KIF1B: variants seen among roughly 807,000 people sequenced by gnomAD.
KIF1B encodes kinesin family member 1B.
In KIF1B, 76 loss-of-function variants were observed where a neutral mutation model predicts 241.9. That is an observed-to-expected ratio of 0.31 (90% CI 0.26 to 0.38). The LOEUF (loss-of-function observed/expected upper bound fraction) is 0.38. Ranked by LOEUF, KIF1B falls within the 10% of genes least tolerant of loss-of-function variation. The pLI, the probability that KIF1B is intolerant of heterozygous loss-of-function variation, is 1.00. For synonymous variants in KIF1B, 750 were observed against 796.7 expected, an observed-to-expected ratio of 0.94 and a Z score of 0.99; for missense variants, 1,622 against 2,271.4, an observed-to-expected ratio of 0.71 and a Z score of 5.81.
At chr1:10,216,154 C>A (rs1646764847) in intron 1 of KIF1B, among the ~76,000 whole-genome samples, 1 of 152,126 alleles carries the variant, frequency 6.6e-6, no homozygotes, top group South Asian at 2.1e-4. Flanking sequence ...AGTAAGTAAC[C>A]ACTATGCTGA....
intron 17 of KIF1B, among the ~76,000 whole-genome samples, chr1:10,292,988 G>C (rs548518423): frequency 1.1e-4 from 17 of 152,162 alleles, no homozygotes; most frequent in Admixed American, 7.2e-4. Context: ...GATACAAGGG[G>C]TGGTGAGTTT....
In KIF1B at chr1:10,303,843, T is replaced by A. The variant is rs1431700140; in HGVS notation, c.2115+6597T>A. On this transcript the variant is annotated intron_variant, in intron 22 of 48. Transcript: ENST00000676179. This position sits in a 1 kb window ranked among gnomAD's most constrained non-coding sequence, Gnocchi z 5.2. ...TTGGTGCTGGTGTTAGTAGCACCTC[T>A]GAGAATAATGTAAGTAAAGGAGACA... 3 of 1,613,166 alleles carry A rather than the reference T, an allele frequency of 1.9e-6. No homozygotes were observed. The East Asian group carries it at 6.7e-5, about 36-fold the overall frequency.
chr1:10,372,660 AGAGCTGT>A (rs1334525574), intron 45 of KIF1B, among the ~76,000 whole-genome samples: 5 of 117,558 alleles, frequency 4.3e-5, no homozygotes, highest in Non-Finnish European at 8.6e-5. Context: ...CTTGGGTGAC[AGAGCTGT>A]CACCCAAGCT....
intron 2 of KIF1B, among the ~76,000 whole-genome samples, chr1:10,252,703 A>G (rs1362004196): frequency 6.7e-6 from 1 of 149,638 alleles, no homozygotes; most frequent in African/African-American, 2.5e-5. Flanking sequence ...TGAGTCACCG[A>G]GCCAGGTCAT....
intron 32 of KIF1B, 45 bp from the exon 33 acceptor site, chr1:10,342,005 A>T: frequency 7.7e-7 from 1 of 1,296,644 alleles, no homozygotes; most frequent in Non-Finnish European, 1.1e-6. Flanking sequence ...TGAAGCAAAA[A>T]TGTGTATTTT....
intron 40 of KIF1B, among the ~76,000 whole-genome samples, chr1:10,362,280 G>T (rs1326240641): frequency 1.3e-5 from 2 of 151,982 alleles, no homozygotes; most frequent in African/African-American, 4.8e-5. Context: ...AGGAGTTTGA[G>T]ACCAGCCTGG....
At chr1:10,350,566 T>A (rs1261910878) in intron 37 of KIF1B, among the ~76,000 whole-genome samples, 1 of 151,994 alleles carries the variant, frequency 6.6e-6, no homozygotes, top group Non-Finnish European at 1.5e-5. Flanking sequence ...CTCAAAAAAA[T>A]ATATAAATAA....
chr1:10,371,209 C>G lies in KIF1B; in HGVS notation c.4893C>G (p.Pro1631=), dbSNP rs143966948. The G allele has an allele frequency of 6.2e-7, 1 of 1,614,086 alleles. No homozygotes were observed. The highest frequency in any genetic ancestry group is 2.2e-5 in the East Asian group (1 of 44,886). The change falls in exon 45 of 49, where the codon CCC becomes CCG. Residue 1631 remains proline, a synonymous_variant. Coordinates refer to ENST00000676179, the MANE Select transcript of KIF1B (RefSeq NM_001365951.3). ...ESSFSSATLT[P]SSTCPSLVDS... Reference sequence around the variant, plus strand: ...GTTTCAGCAGTGCCACCCTCACTCCCTCCTCCACCTGTCCCTCTCTGGTAG... The same window carrying G: ...GTTTCAGCAGTGCCACCCTCACTCCGTCCTCCACCTGTCCCTCTCTGGTAG...
chr1:10,345,285 C>T (rs1652549197), intron 34 of KIF1B, among the ~76,000 whole-genome samples: 1 of 152,226 alleles, frequency 6.6e-6, no homozygotes, highest in African/African-American at 2.4e-5. Context: ...TTGGTATCAC[C>T]TGGGAAACTT....
At chr1:10,258,466 A>G in intron 3 of KIF1B, 27 bp from the exon 4 acceptor site, 1 of 1,599,502 alleles carries the variant, frequency 6.3e-7, no homozygotes, top group Non-Finnish European at 8.6e-7. Flanking sequence ...ATAAAAGGTT[A>G]TTTATTTCTC....
intron 2 of KIF1B, among the ~76,000 whole-genome samples, chr1:10,244,545 C>A (rs917695938): frequency 1.1e-4 from 16 of 151,532 alleles, no homozygotes; most frequent in African/African-American, 3.9e-4. Context: ...CTTCTGACCT[C>A]AGGTGATCCG....
intron 22 of KIF1B, chr1:10,306,889 AC>A (rs1253791920): frequency 9.6e-7 from 1 of 1,045,748 alleles, no homozygotes; most frequent in African/African-American, 1.7e-5. Flanking sequence ...TTTCATTCTT[AC>A]AGTGGTCTTT....
At chr1:10,340,966 A>C (rs1182692037) in intron 32 of KIF1B, among the ~76,000 whole-genome samples, 1 of 152,154 alleles carries the variant, frequency 6.6e-6, no homozygotes, top group Non-Finnish European at 1.5e-5. Context: ...AACTTCAAAG[A>C]TGGAACAAGC....
Position 10,282,393 on chromosome 1 carries a change from T to C in KIF1B, c.1294T>C (p.Ser432Pro). 1.2e-6 allele frequency: 2 copies of C among 1,614,224 alleles called. No individual in the cohort carries two copies. The highest frequency in any genetic ancestry group is 4.5e-5 in the East Asian group (2 of 44,890). Residue 432 changes from serine (S) to proline (P), a missense_variant, in exon 15 of 49, where the codon TCC becomes CCC. Coordinates refer to ENST00000676179, the MANE Select transcript of KIF1B (RefSeq NM_001365951.3). ...ASENQRPGHFSTASMGSLTSS... is the reference protein window; with the variant it reads ...ASENQRPGHFPTASMGSLTSS... The stretch of plus-strand genomic sequence containing the variant: ...TGAGAATCAACGCCCTGGCCATTTT[T>C]CCACAGCATCCATGGGGTCCCTCAC...
At chr1:10,224,473 C>T (rs1408582744) in intron 1 of KIF1B, among the ~76,000 whole-genome samples, 1 of 152,016 alleles carries the variant, frequency 6.6e-6, no homozygotes, top group Non-Finnish European at 1.5e-5. Flanking sequence ...AACTGGAGTG[C>T]AGTGATGGAA....
intron 34 of KIF1B, 145 bp downstream of exon 34, chr1:10,343,432 T>C: frequency 2.4e-6 from 2 of 831,632 alleles, no homozygotes; most frequent in Non-Finnish European, 4.0e-6. Flanking sequence ...ATGTATCTAG[T>C]AGGAACTAGA....
intron 22 of KIF1B, among the ~76,000 whole-genome samples, chr1:10,299,297 A>C (rs1650426241): frequency 6.6e-6 from 1 of 152,124 alleles, no homozygotes; most frequent in Admixed American, 6.5e-5. Context: ...AGATAATCAG[A>C]TTCTGGTTGT....
At chr1:10,279,894 G>T (rs1649320906) in intron 14 of KIF1B, among the ~76,000 whole-genome samples, 1 of 151,602 alleles carries the variant, frequency 6.6e-6, no homozygotes, top group Non-Finnish European at 1.5e-5. Flanking sequence ...AGAGGTGAGG[G>T]GTCTCGCTGT....
In KIF1B at chr1:10,368,462, T is replaced by C; in HGVS notation, c.4753-5T>C. 6.2e-7 allele frequency: 1 copy of C among 1,612,816 alleles called. No homozygotes were observed. Among genetic ancestry groups the C allele is most frequent in the Non-Finnish European group, 8.5e-7 (1 of 1,178,888 alleles). On this transcript the variant is annotated splice_polypyrimidine_tract_variant and splice_region_variant and intron_variant, in intron 43 of 48. Coordinates refer to ENST00000676179, the MANE Select transcript of KIF1B (RefSeq NM_001365951.3). ...TCAGCTTGCACTTCTCTTTCTCTTC[T>C]TTAGTGCCTGCAACTTCTCACCCAC...
Sources: gnomAD v4.1 joint callset for allele counts (sites outside exome capture counted in the v4.1 genomes callset) on GRCh38, gnomAD v4.1.1 for gene constraint, Gnocchi (gnomAD v3.1) non-coding constraint, MANE v1.5 for transcripts, NCBI Gene and HGNC (gene_info 2026-07-23, HGNC 2026-07-21) for gene names.